The following BIRC6 variants were observed in gnomAD, a reference collection of about 807,000 sequenced individuals.
The protein encoded by BIRC6 is dual E2 ubiquitin-conjugating enzyme/E3 ubiquitin-protein ligase BIRC6.
BIRC6 carries 98 observed loss-of-function variants against 503.3 expected under a neutral mutation model. The ratio of observed to expected loss-of-function variants is 0.19; its 90% CI spans 0.17 to 0.23. The LOEUF (loss-of-function observed/expected upper bound fraction) is 0.23. BIRC6 is among the 10% of genes least tolerant of loss of function. The pLI is 1.00. For synonymous variants in BIRC6, 2,240 were observed against 2,078.7 expected (o/e 1.08, Z -2.11); for missense variants, 5,360 against 5,806.0 (o/e 0.92, Z 2.50).
Position 32,442,239 on chromosome 2 carries a change from A to G in BIRC6, c.4106+13A>G. Reference sequence around the variant, plus strand: ...ATGGACCCGGAAGGTTAATAATTAAAATTTTGCTTACCACTGTTGATTGCC... The same window carrying G: ...ATGGACCCGGAAGGTTAATAATTAAGATTTTGCTTACCACTGTTGATTGCC... On this transcript the variant is annotated intron_variant, in intron 18 of 73. Transcript: ENST00000421745. 3 of 1,601,296 alleles carry G rather than the reference A, an allele frequency of 1.9e-6. No individual in the cohort carries two copies. Among genetic ancestry groups the G allele is most frequent in the Middle Eastern group, 1.7e-4 (1 of 5,954 alleles).
At chr2:32,442,990 C>T (rs533500204) in intron 19 of BIRC6, among the ~76,000 whole-genome samples, 103 of 152,152 alleles carry the variant, frequency 6.8e-4, no homozygotes, top group African/African-American at 2.4e-3. Flanking sequence ...ATATACATAC[C>T]TGCAATAAAG....
intron 65 of BIRC6, 87 bp downstream of exon 65, chr2:32,549,568 A>G (rs2058298189): frequency 8.7e-7 from 1 of 1,155,128 alleles, no homozygotes; most frequent in Non-Finnish European, 1.1e-6. Flanking sequence ...CAGTTGAAAT[A>G]GTTGATGGAT....
chr2:32,459,805 A>G lies in BIRC6; in HGVS notation c.4754-3389A>G, dbSNP rs528017173. Among the ~76,000 whole-genome samples the G allele has an allele frequency of 1.1e-4, 16 of 151,236 alleles. No individual in the cohort carries two copies. In the South Asian group the frequency reaches 3.1e-3, roughly 29 times the overall value. On this transcript the variant is annotated intron_variant, in intron 23 of 73. Coordinates refer to ENST00000421745, the MANE Select transcript of BIRC6 (RefSeq NM_016252.4). ...CATTTTTTTTTTTAGATTCTTAGTTATATATTTAATTGTTATGTTGTTATA... is the reference window on the plus strand; with the variant it reads ...CATTTTTTTTTTTAGATTCTTAGTTGTATATTTAATTGTTATGTTGTTATA...
intron 1 of BIRC6, among the ~76,000 whole-genome samples, chr2:32,369,305 A>G (rs1295249455): frequency 6.6e-6 from 1 of 152,186 alleles, no homozygotes; most frequent in Non-Finnish European, 1.5e-5. Flanking sequence ...GAAAACAGTA[A>G]TTTCAAATAT....
chr2:32,403,708 A>G (rs1166262159), intron 8 of BIRC6, among the ~76,000 whole-genome samples: 1 of 152,170 alleles, frequency 6.6e-6, no homozygotes. Context: ...TACTTTAACC[A>G]TAATATTTAT....
intron 57 of BIRC6, 87 bp downstream of exon 57, chr2:32,519,033 A>G (rs767323773): frequency 2.6e-5 from 35 of 1,327,788 alleles, no homozygotes; most frequent in Non-Finnish European, 3.3e-5. Flanking sequence ...TATTTTCTGC[A>G]TCCACTTTGC....
intron 48 of BIRC6, 73 bp downstream of exon 48, chr2:32,502,964 T>C (rs1252352376): frequency 6.6e-7 from 1 of 1,516,462 alleles, no homozygotes; most frequent in East Asian, 2.3e-5. Flanking sequence ...ATTTTTGTAG[T>C]CTTTTGTGGA....
At chr2:32,374,686 A>G (rs1263540701) in intron 1 of BIRC6, among the ~76,000 whole-genome samples, 2 of 151,884 alleles carry the variant, frequency 1.3e-5, no homozygotes, top group East Asian at 1.9e-4. Context: ...GTTAGCCAGG[A>G]TGGTCTCGAT....
chr2:32,453,703 TTA>T (rs2046949733), intron 22 of BIRC6, 103 bp from the exon 23 acceptor site: 8 of 1,099,202 alleles, frequency 7.3e-6, no homozygotes, highest in Non-Finnish European at 1.1e-5. Context: ...AGTTGTGTAT[TTA>T]TATGTTCTAA....
At chr2:32,570,086 G>A (rs918711159) in intron 65 of BIRC6, among the ~76,000 whole-genome samples, 1 of 152,056 alleles carries the variant, frequency 6.6e-6, no homozygotes, top group Admixed American at 6.6e-5. Flanking sequence ...TTATTATGCT[G>A]TGTGTTCCTT....
At chr2:32,394,510 G>T (rs1425923703) in intron 5 of BIRC6, among the ~76,000 whole-genome samples, 1 of 151,872 alleles carries the variant, frequency 6.6e-6, no homozygotes, top group Admixed American at 6.6e-5. Flanking sequence ...TGCCCTTCTT[G>T]TTCAGTTGTA....
intron 22 of BIRC6, among the ~76,000 whole-genome samples, chr2:32,451,933 A>G (rs1316909215): frequency 6.6e-6 from 1 of 152,188 alleles, no homozygotes; most frequent in Non-Finnish European, 1.5e-5. Flanking sequence ...TGGTGAACCA[A>G]TATTTTCCAA....
Position 32,357,277 on chromosome 2 carries a change from C to T in BIRC6, c.116C>T (p.Pro39Leu), listed in dbSNP as rs1308741921. ...GCTGCGGCTGCGGCGGCCTCGGGCC[C>T]CGGCTGCTCCTCGGCGGCGGGGGCG... is the stretch of plus-strand genomic sequence containing the variant. ...MAAAAAAASG[P>L]GCSSAAGAGA... Residue 39 changes from proline (P) to leucine (L), a missense_variant, in exon 1 of 74, where the codon CCC (proline) becomes CTC (leucine). Pro to Leu is a moderately conservative substitution (Grantham distance 98). Coordinates refer to ENST00000421745, the MANE Select transcript of BIRC6 (RefSeq NM_016252.4). This position sits in a 1 kb window ranked among gnomAD's most constrained non-coding sequence, Gnocchi z 4.9. 2.6e-6 allele frequency: 4 copies of T among 1,523,616 alleles called. No homozygotes were observed. Among genetic ancestry groups the T allele is most frequent in the East Asian group, 5.2e-5 (2 of 38,210 alleles). The allele number at this position is 1,523,616 out of a possible 1,614,324, so 94.4% of individuals were successfully genotyped here.
chr2:32,572,763 C>G (rs898660167), intron 65 of BIRC6, among the ~76,000 whole-genome samples: 2 of 152,190 alleles, frequency 1.3e-5, no homozygotes, highest in African/African-American at 4.8e-5. Context: ...GAAAGAATGG[C>G]AGTCATACTA....
intron 6 of BIRC6, 66 bp from the exon 7 acceptor site, chr2:32,401,097 T>G: frequency 7.4e-7 from 1 of 1,349,816 alleles, no homozygotes; most frequent in Non-Finnish European, 1.0e-6. Context: ...CCTGGAGTTC[T>G]GTTTTAATGT....
intron 42 of BIRC6, 27 bp downstream of exon 42, chr2:32,488,741 A>G (rs1480411711): frequency 3.2e-5 from 42 of 1,314,378 alleles, no homozygotes; most frequent in Admixed American, 5.6e-5. Flanking sequence ...GAAAAACATT[A>G]TAGTCTAAAT....
At chr2:32,559,244 T>G (rs78158903) in intron 65 of BIRC6, among the ~76,000 whole-genome samples, 3,764 of 152,326 alleles carry the variant, frequency 0.025, 113 homozygotes, top group African/African-American at 0.066. Context: ...CAGGCCCTTT[T>G]GAGGATTGGA....
chr2:32,395,458 G>C (rs1002502380), intron 5 of BIRC6, 53 bp from the exon 6 acceptor site: 2 of 1,314,054 alleles, frequency 1.5e-6, no homozygotes, highest in Non-Finnish European at 2.2e-6. Context: ...TTATTATAAA[G>C]CTATTTTAAT....
chr2:32,357,508 C>T lies in BIRC6; in HGVS notation c.325+22C>T. The T allele has an allele frequency of 6.5e-7, 1 of 1,535,800 alleles. No homozygotes were observed. The highest frequency in any genetic ancestry group is 1.2e-5 in the South Asian group (1 of 82,496). Reference sequence around the variant, plus strand: ...AGTGGTGAGTCTTCCGCACGCCGGGCGGGCGCGAAGCCGGGGAAAGAAGCC... The same window carrying T: ...AGTGGTGAGTCTTCCGCACGCCGGGTGGGCGCGAAGCCGGGGAAAGAAGCC... On this transcript the variant is annotated intron_variant, in intron 1 of 73. Transcript: ENST00000421745. This position sits in a 1 kb window ranked among gnomAD's most constrained non-coding sequence, Gnocchi z 4.9.
Sources: gnomAD v4.1 joint callset for allele counts (sites outside exome capture counted in the v4.1 genomes callset) on GRCh38, gnomAD v4.1.1 for gene constraint, Gnocchi (gnomAD v3.1) non-coding constraint, MANE v1.5 for transcripts, NCBI Gene and HGNC (gene_info 2026-07-23, HGNC 2026-07-21) for gene names.